SNX29: variants seen among roughly 807,000 people sequenced by gnomAD.
SNX29 encodes sorting nexin 29.
A neutral mutation model predicts 102.1 loss-of-function variants in SNX29; 78 were observed. The observed-to-expected ratio is 0.76, with a 90% confidence interval of 0.64 to 0.92. SNX29 has a LOEUF of 0.92. SNX29 is among the 40% of genes least tolerant of loss of function. The pLI, the probability that SNX29 is intolerant of heterozygous loss-of-function variation, is 0.00. For missense variants in SNX29, 1,280 were observed against 1,061.7 expected (o/e 1.21, Z -2.86); for synonymous variants, 580 against 414.5 (o/e 1.40, Z -4.85).
intron 13 of SNX29, among the ~76,000 whole-genome samples, chr16:12,176,673 C>T (rs2076267798): frequency 6.6e-6 from 1 of 152,146 alleles, no homozygotes; most frequent in Non-Finnish European, 1.5e-5. Context: ...ATATAAGGGA[C>T]TTGAGCACCC....
intron 18 of SNX29, among the ~76,000 whole-genome samples, chr16:12,468,915 C>T (rs891434518): frequency 1.3e-5 from 2 of 152,212 alleles, no homozygotes; most frequent in Admixed American, 6.5e-5. Context: ...TGGGCACTTC[C>T]GGCCATGCCA....
At chr16:12,400,540 G>T (rs2083898530) in intron 17 of SNX29, among the ~76,000 whole-genome samples, 1 of 152,046 alleles carries the variant, frequency 6.6e-6, no homozygotes, top group Non-Finnish European at 1.5e-5. Context: ...TCCTCAACTT[G>T]GCCAACTCTA....
intron 18 of SNX29, among the ~76,000 whole-genome samples, chr16:12,455,803 G>A (rs1328924201): frequency 6.6e-6 from 1 of 152,156 alleles, no homozygotes; most frequent in Non-Finnish European, 1.5e-5. Context: ...AGATGTAGGT[G>A]GCCCGGTATG....
At chr16:12,554,384 C>CG (rs1447719668) in intron 20 of SNX29, among the ~76,000 whole-genome samples, 1 of 88,428 alleles carries the variant, frequency 1.1e-5, no homozygotes, top group Admixed American at 1.1e-4. Flanking sequence ...GTTTCTGTGC[C>CG]CCGTGCATGG....
intron 18 of SNX29, chr16:12,443,118 A>C (rs894956665): frequency 1.4e-5 from 6 of 437,528 alleles, no homozygotes; most frequent in Non-Finnish European, 2.3e-5. Context: ...AGGAAGATGG[A>C]GCATCTGCCT....
chr16:12,312,948 A>G (rs1288246806), intron 15 of SNX29, among the ~76,000 whole-genome samples: 1 of 151,718 alleles, frequency 6.6e-6, no homozygotes, highest in African/African-American at 2.4e-5. Flanking sequence ...CTTCCGAGTC[A>G]GGGGGATCTG....
chr16:12,567,920 G>A (rs11642584), intron 20 of SNX29, among the ~76,000 whole-genome samples: 32,914 of 152,076 alleles, frequency 0.22, 4,057 homozygotes, highest in East Asian at 0.44. Flanking sequence ...ACCCACACAC[G>A]CTGTGTGTTC....
At chr16:12,121,605 G>A (rs902023425) in intron 11 of SNX29, among the ~76,000 whole-genome samples, 4 of 152,134 alleles carry the variant, frequency 2.6e-5, no homozygotes, top group African/African-American at 4.8e-5. Context: ...TGCCAGACTC[G>A]GCACTTTCTC....
intron 20 of SNX29, among the ~76,000 whole-genome samples, chr16:12,559,686 C>T (rs997197316): frequency 1.3e-5 from 2 of 152,090 alleles, no homozygotes; most frequent in Non-Finnish European, 2.9e-5. Context: ...GGGGCAGTAA[C>T]TTCTCGAGCT....
chr16:12,423,983 G>A (rs1015764596), intron 18 of SNX29, among the ~76,000 whole-genome samples: 3 of 152,210 alleles, frequency 2.0e-5, no homozygotes, highest in Non-Finnish European at 4.4e-5. Flanking sequence ...ACCAGAGAGT[G>A]TGAGGTCCAT....
intron 11 of SNX29, among the ~76,000 whole-genome samples, chr16:12,109,326 C>T (rs1178050624): frequency 6.6e-6 from 1 of 151,780 alleles, no homozygotes. Context: ...TCTTCCTCTT[C>T]TTAAAAAGCC....
At position 12,138,488 on chromosome 16, in the gene SNX29, G is replaced by C. The variant is rs566917332; in HGVS notation, c.1595+8730G>C. Among the ~76,000 whole-genome samples the C allele has an allele frequency of 1.2e-4, 18 of 152,146 alleles. 1 individual carries two copies. The highest frequency in any genetic ancestry group is 8.3e-4 in the South Asian group (4 of 4,830). ...CTCCTAAAGTGCTGGGCTTATAGGC[G>C]TGAGCCACCATGCCCAACCTGTCAC... is the stretch of plus-strand genomic sequence containing the variant. On this transcript the variant is annotated intron_variant, in intron 13 of 20. Transcript: ENST00000566228.
At chr16:12,258,856 C>T (rs1009946702) in intron 14 of SNX29, among the ~76,000 whole-genome samples, 10 of 152,146 alleles carry the variant, frequency 6.6e-5, no homozygotes, top group Admixed American at 6.5e-4. Flanking sequence ...TATAATGAGA[C>T]ACCAAGGAGG....
intron 20 of SNX29, among the ~76,000 whole-genome samples, chr16:12,548,323 T>C (rs2077739033): frequency 6.6e-6 from 1 of 152,202 alleles, no homozygotes. Context: ...TCTCCTGGCT[T>C]GGTGCCTCCA....
chr16:12,424,920 G>A (rs1274570236), intron 18 of SNX29, among the ~76,000 whole-genome samples: 1 of 152,206 alleles, frequency 6.6e-6, no homozygotes, highest in Admixed American at 6.5e-5. Context: ...AATAAATGGA[G>A]GATAACCCTA....
At chr16:11,986,784 A>G (rs2055646212) in intron 1 of SNX29, among the ~76,000 whole-genome samples, 1 of 152,200 alleles carries the variant, frequency 6.6e-6, no homozygotes, top group African/African-American at 2.4e-5. Flanking sequence ...ATCTGGTCTC[A>G]GCCTCAAGTA....
chr16:12,286,472 A>C (rs1452924176), intron 15 of SNX29, among the ~76,000 whole-genome samples: 2 of 151,444 alleles, frequency 1.3e-5, no homozygotes, highest in African/African-American at 4.9e-5. Context: ...CAGCCTCCCA[A>C]GTAGCTGGGA....
intron 11 of SNX29, among the ~76,000 whole-genome samples, chr16:12,124,963 G>T (rs1231587079): frequency 6.6e-6 from 1 of 152,312 alleles, no homozygotes; most frequent in African/African-American, 2.4e-5. Flanking sequence ...GTGAGCTGTG[G>T]CAGGTCATAA....
At chr16:12,250,915 G>A (rs911398079) in intron 14 of SNX29, among the ~76,000 whole-genome samples, 1 of 152,220 alleles carries the variant, frequency 6.6e-6, no homozygotes, top group Non-Finnish European at 1.5e-5. Context: ...CCTGACCCCG[G>A]TACTGCAGTT....
Sources: gnomAD v4.1 joint callset for allele counts (sites outside exome capture counted in the v4.1 genomes callset) on GRCh38, gnomAD v4.1.1 for gene constraint, MANE v1.5 for transcripts, NCBI Gene and HGNC (gene_info 2026-07-23, HGNC 2026-07-21) for gene names.